Variants in C1orf116 observed in about 807,000 individuals in gnomAD.
C1orf116 encodes the protein chromosome 1 open reading frame 116.
C1orf116 carries 12 observed loss-of-function variants against 14.1 expected under a neutral mutation model. The ratio of observed to expected loss-of-function variants is 0.85; its 90% CI spans 0.54 to 1.38. C1orf116 has a LOEUF of 1.38. C1orf116 is among the 40% of genes most tolerant of loss of function. The pLI is 0.00. For synonymous variants in C1orf116, 296 were observed against 299.0 expected (o/e 0.99, Z 0.10); for missense variants, 797 against 747.0 (o/e 1.07, Z -0.78).
At chr1:207,026,167 T>C (rs1485909972) in intron 2 of C1orf116, among the ~76,000 whole-genome samples, 2 of 152,172 alleles carry the variant, frequency 1.3e-5, no homozygotes, top group Non-Finnish European at 2.9e-5. Flanking sequence ...GAGACAGCTC[T>C]AAAAATATCC....
Position 207,021,865 on chromosome 1 carries a change from T to C in C1orf116, c.*93A>G, listed in dbSNP as rs1005476279. The C allele has an allele frequency of 2.3e-6, 3 of 1,298,256 alleles. No homozygotes were observed. The African/African-American group carries it at 4.4e-5, about 19-fold the overall frequency. The allele number at this position is 1,298,256 out of a possible 1,614,324, so 80.4% of individuals were successfully genotyped here. On this transcript the variant is annotated 3_prime_UTR_variant, in exon 4 of 4. Coordinates refer to ENST00000359470, the MANE Select transcript of C1orf116 (RefSeq NM_023938.6). ...CTCAAATCTCTCCCTCCCATTCATCTTGAGCCCTGAGTTGCGTGGTGGCAA... is the reference window on the plus strand; with the variant it reads ...CTCAAATCTCTCCCTCCCATTCATCCTGAGCCCTGAGTTGCGTGGTGGCAA...
At position 207,025,659 on chromosome 1, in the gene C1orf116, A is replaced by G. The variant is rs559797935; in HGVS notation, c.106-595T>C. On this transcript the variant is annotated intron_variant, in intron 2 of 3. Coordinates refer to ENST00000359470, the MANE Select transcript of C1orf116 (RefSeq NM_023938.6). ...ACTGTGGCATGACTGGCCACAGATA[A>G]ATGTACTAAATGATTTGTACTTGAC... Among the ~76,000 whole-genome samples, 4 of 152,336 alleles carry G rather than the reference A, an allele frequency of 2.6e-5. No homozygotes were observed. In the South Asian group the frequency reaches 8.3e-4, roughly 32 times the overall value.
Position 207,022,718 on chromosome 1 carries a change from T to C in C1orf116, c.1046A>G (p.Glu349Gly). ...SLQEQRKARKEALEKLGLPQD... is the reference protein window; with the variant it reads ...SLQEQRKARKGALEKLGLPQD... ...GGGTAGCCCCAGCTTCTCTAGAGCT[T>C]CTTTACGTGCTTTTCTCTGCTCTTG... Residue 349 changes from glutamate (E) to glycine (G), a missense_variant, in exon 4 of 4, where the codon GAA becomes GGA. By Grantham distance (98) the Glu-to-Gly change is moderately conservative. Transcript: ENST00000359470. The C allele has an allele frequency of 3.1e-6, 5 of 1,614,158 alleles. No individual in the cohort carries two copies. Among genetic ancestry groups the C allele is most frequent in the Non-Finnish European group, 4.2e-6 (5 of 1,180,022 alleles).
At chr1:207,029,440 T>C (rs1682180289) in intron 1 of C1orf116, among the ~76,000 whole-genome samples, 1 of 152,174 alleles carries the variant, frequency 6.6e-6, no homozygotes, top group African/African-American at 2.4e-5. Flanking sequence ...TCATCTCAGC[T>C]ACCCACTCCA....
At chr1:207,030,714 C>T (rs1208143843) in intron 1 of C1orf116, among the ~76,000 whole-genome samples, 2 of 152,154 alleles carry the variant, frequency 1.3e-5, no homozygotes, top group East Asian at 1.9e-4. Context: ...GGGCAGCCAT[C>T]GAAACCCTGA....
In C1orf116 at chr1:207,021,950, C is replaced by T. The variant is rs183997728; in HGVS notation, c.*8G>A. The T allele has an allele frequency of 2.8e-4, 426 of 1,518,316 alleles. No homozygotes were observed. The African/African-American group carries it at 4.7e-3, about 17-fold the overall frequency. 94.1% of individuals were successfully genotyped at this position (1,518,316 alleles called of 1,614,324 possible). A position where few individuals can be genotyped will look rare whatever the true frequency, so the allele number is the denominator to read the frequency against. On this transcript the variant is annotated 3_prime_UTR_variant, in exon 4 of 4. Transcript: ENST00000359470. ...CAGCCAGGACAGGGTCTGTACTGGT[C>T]GCAGAGTCTACTCCTTCAACAGTCC...
At position 207,023,091 on chromosome 1, in the gene C1orf116, C is replaced by T. The variant is rs367555450; in HGVS notation, c.673G>A (p.Gly225Ser). 47 of 1,612,252 alleles carry T rather than the reference C, an allele frequency of 2.9e-5. No homozygotes were observed. Among genetic ancestry groups the T allele is most frequent in the Non-Finnish European group, 3.8e-5 (45 of 1,179,882 alleles). The change falls in exon 4 of 4, where the codon GGC becomes AGC. Residue 225 changes from glycine to serine, a missense_variant. Gly to Ser is a moderately conservative substitution (Grantham distance 56). Coordinates refer to ENST00000359470, the MANE Select transcript of C1orf116 (RefSeq NM_023938.6). ...ASLPEGPGQQ[G>S]HTPQLHTPSS... ...GGTGTGTGGAGCTGGGGTGTGTGGC[C>T]CTGCTGTCCTGGCCCCTCGGGCAGG...
chr1:207,022,044 AG>A lies in C1orf116; in HGVS notation c.1719del (p.Cys574ValfsTer20), dbSNP rs780657010. On this transcript the variant is annotated frameshift_variant, in exon 4 of 4. Transcript: ENST00000359470. LOFTEE classifies it high-confidence loss of function. ...GQSRDKLPRP[P>X]CVSVKISPKG... ...TTTGGGGAGATCTTGACACTGACAC[AG>A]GGGGGGCGAGGAAGCTTGTCACGGC... 4 of 1,600,022 alleles carry A rather than the reference AG, an allele frequency of 2.5e-6. No homozygotes were observed. Among genetic ancestry groups the A allele is most frequent in the African/African-American group, 1.3e-5 (1 of 74,426 alleles).
Position 207,027,639 on chromosome 1 carries a change from GA to G in C1orf116, c.-42del, listed in dbSNP as rs1558046427. ...GCAGGGATGGCAAAGGGGGCTTCTA[GA>G]GGGGAAGCGAGGGGAAGTGAACAAT... On this transcript the variant is annotated 5_prime_UTR_variant, in exon 2 of 4. Coordinates refer to ENST00000359470, the MANE Select transcript of C1orf116 (RefSeq NM_023938.6). 6.2e-7 allele frequency: 1 copy of G among 1,600,736 alleles called. No individual in the cohort carries two copies. Among genetic ancestry groups the G allele is most frequent in the Non-Finnish European group, 8.5e-7 (1 of 1,177,318 alleles).
intron 2 of C1orf116, among the ~76,000 whole-genome samples, chr1:207,027,103 A>G (rs1682100605): frequency 6.6e-6 from 1 of 152,162 alleles, no homozygotes; most frequent in African/African-American, 2.4e-5. Flanking sequence ...CTAATTACCT[A>G]TTTTCTTTGA....
chr1:207,023,866 C>A (rs528043180), intron 3 of C1orf116, among the ~76,000 whole-genome samples: 1 of 152,244 alleles, frequency 6.6e-6, no homozygotes, highest in Non-Finnish European at 1.5e-5. Context: ...TCATGATGGG[C>A]GGCAAGAGAG....
rs1169098942 is a variant in C1orf116, at chr1:207,022,664, A to G, written c.1100T>C (p.Leu367Ser). The G allele has an allele frequency of 1.9e-6, 3 of 1,613,806 alleles. No homozygotes were observed. Among genetic ancestry groups the G allele is most frequent in the Non-Finnish European group, 1.7e-6 (2 of 1,179,966 alleles). Residue 367 changes from leucine (L) to serine (S), a missense_variant, in exon 4 of 4, where the codon TTA becomes TCA. Coordinates refer to ENST00000359470, the MANE Select transcript of C1orf116 (RefSeq NM_023938.6). The stretch of plus-strand genomic sequence containing the variant: ...TCTGATGGAGCTGGTGGGCTTACTT[A>G]AGTGGAGTCCAGGCTCATCTTGATC... ...PQDQDEPGLH[L>S]SKPTSSIRPK... is the part of the protein sequence containing the mutation.
At chr1:207,029,160 G>A (rs1356400664) in intron 1 of C1orf116, among the ~76,000 whole-genome samples, 1 of 151,954 alleles carries the variant, frequency 6.6e-6, no homozygotes, top group Non-Finnish European at 1.5e-5. Context: ...TTCTGCTTGG[G>A]AGGAGTCTCT....
At chr1:207,030,931 T>C (rs1682224844) in intron 1 of C1orf116, among the ~76,000 whole-genome samples, 1 of 152,112 alleles carries the variant, frequency 6.6e-6, no homozygotes, top group South Asian at 2.1e-4. Flanking sequence ...GGAGAGGAAA[T>C]AAAGAACAGT....
chr1:207,027,975 G>A (rs1682135577), intron 1 of C1orf116, among the ~76,000 whole-genome samples: 1 of 152,222 alleles, frequency 6.6e-6, no homozygotes. Context: ...ATTACTATAA[G>A]CAATAAATAT....
In C1orf116 at chr1:207,032,644, G is replaced by C; in HGVS notation, c.-147C>G. 3.0e-6 allele frequency: 3 copies of C among 985,556 alleles called. No homozygotes were observed. Among genetic ancestry groups the C allele is most frequent in the African/African-American group, 3.5e-5 (2 of 57,382 alleles). The allele number at this position is 985,556 out of a possible 1,614,324, so 61.1% of individuals were successfully genotyped here. A position where few individuals can be genotyped will look rare whatever the true frequency, so the allele number is the denominator to read the frequency against. On this transcript the variant is annotated 5_prime_UTR_variant, in exon 1 of 4. Transcript: ENST00000359470. ...TTTTGTTTCAAAGGGCAGAGATGGAGACAGAGGCTGCTTCCCCTGCCTCCT... is the reference window on the plus strand; with the variant it reads ...TTTTGTTTCAAAGGGCAGAGATGGACACAGAGGCTGCTTCCCCTGCCTCCT...
At position 207,027,636 on chromosome 1, in the gene C1orf116, CTAGAGGGGAA is replaced by C. The variant is rs1311244703; in HGVS notation, c.-48_-39del. 6.2e-7 allele frequency: 1 copy of C among 1,605,592 alleles called. No homozygotes were observed. Among genetic ancestry groups the C allele is most frequent in the East Asian group, 2.2e-5 (1 of 44,788 alleles). On this transcript the variant is annotated 5_prime_UTR_variant, in exon 2 of 4. Transcript: ENST00000359470. ...GGTGCAGGGATGGCAAAGGGGGCTT[CTAGAGGGGAA>C]GCGAGGGGAAGTGAACAATGTCCCA... is the stretch of plus-strand genomic sequence containing the variant.
intron 1 of C1orf116, among the ~76,000 whole-genome samples, chr1:207,031,961 G>T (rs1682258400): frequency 6.6e-6 from 1 of 152,096 alleles, no homozygotes; most frequent in Non-Finnish European, 1.5e-5. Flanking sequence ...ATTATCCATG[G>T]GTTTTCCAAA....
intron 3 of C1orf116, 24 bp from the exon 4 acceptor site, chr1:207,023,504 A>T: frequency 6.4e-7 from 1 of 1,571,414 alleles, no homozygotes; most frequent in South Asian, 1.2e-5. Flanking sequence ...AAAGAACATA[A>T]AAGAGTGGAC....
Sources: gnomAD v4.1 joint callset for allele counts (sites outside exome capture counted in the v4.1 genomes callset) on GRCh38, gnomAD v4.1.1 for gene constraint, MANE v1.5 for transcripts, NCBI Gene and HGNC (gene_info 2026-07-23, HGNC 2026-07-21) for gene names.